The following JMJD1C variants were observed in gnomAD, a reference collection of about 807,000 sequenced individuals.
The protein encoded by JMJD1C is jumonji domain-containing protein 1C.
A neutral mutation model predicts 245.3 loss-of-function variants in JMJD1C; 31 were observed. The observed-to-expected ratio is 0.13, with a 90% CI of 0.09 to 0.17. The LOEUF is 0.17. JMJD1C is among the 10% of genes least tolerant of loss of function. JMJD1C has a pLI of 1.00. For missense variants in JMJD1C, 2,691 were observed against 3,000.2 expected, an observed-to-expected ratio of 0.90 and a Z score of 2.41; for synonymous variants, 1,057 against 1,017.4, an observed-to-expected ratio of 1.04 and a Z score of -0.74.
In JMJD1C at chr10:63,445,862, ATTTTT is replaced by A. The variant is rs56316223; in HGVS notation, c.168+19628_168+19632del. 4.6e-3 allele frequency among the ~76,000 whole-genome samples: 350 copies of A among 75,760 alleles called. 3 individuals are homozygous for A. The highest frequency in any genetic ancestry group is 0.016 in the African/African-American group (245 of 15,776). 49.7% of individuals were successfully genotyped at this position (75,760 alleles called of 152,430 possible). A position where few individuals can be genotyped will look rare whatever the true frequency, so the allele number is the denominator to read the frequency against. ...AAAAATGACATGTGCTGGGATCTGA[ATTTTT>A]TTTTTTTTTTTTTTTTTTTTTTTTC... On this transcript the variant is annotated intron_variant, in intron 1 of 25. Coordinates refer to ENST00000399262, the MANE Select transcript of JMJD1C (RefSeq NM_032776.3).
chr10:63,209,758 A>G (rs1314734924), intron 8 of JMJD1C, among the ~76,000 whole-genome samples: 1 of 152,186 alleles, frequency 6.6e-6, no homozygotes, highest in Non-Finnish European at 1.5e-5. Context: ...TTTCACTCTA[A>G]GCTATAAACA....
intron 1 of JMJD1C, among the ~76,000 whole-genome samples, chr10:63,473,981 T>C (rs1230147507): frequency 6.6e-6 from 1 of 151,694 alleles, no homozygotes; most frequent in Non-Finnish European, 1.5e-5. Context: ...AGGCGAACGT[T>C]GCAGTGAGCC....
intron 3 of JMJD1C, among the ~76,000 whole-genome samples, chr10:63,252,101 G>A (rs1266062777): frequency 2.0e-5 from 3 of 152,206 alleles, no homozygotes; most frequent in African/African-American, 7.2e-5. Flanking sequence ...AAAGGGGATG[G>A]GAAATGGCTC....
chr10:63,357,578 T>C (rs1244204343), intron 2 of JMJD1C, among the ~76,000 whole-genome samples: 1 of 152,062 alleles, frequency 6.6e-6, no homozygotes, highest in East Asian at 1.9e-4. Context: ...CGTGCTGGGA[T>C]TACAGGTATG....
intron 1 of JMJD1C, among the ~76,000 whole-genome samples, chr10:63,484,753 G>A (rs1222789893): frequency 6.6e-6 from 1 of 151,816 alleles, no homozygotes; most frequent in Non-Finnish European, 1.5e-5. Flanking sequence ...AATAAGTACT[G>A]TACATTTAAT....
chr10:63,394,434 T>G (rs1948319482), intron 1 of JMJD1C, among the ~76,000 whole-genome samples: 1 of 152,180 alleles, frequency 6.6e-6, no homozygotes, highest in South Asian at 2.1e-4. Context: ...AAAATTAGAC[T>G]GAAATAAATC....
At chr10:63,382,030 G>A (rs1194175842) in intron 1 of JMJD1C, among the ~76,000 whole-genome samples, 3 of 152,152 alleles carry the variant, frequency 2.0e-5, no homozygotes, top group Non-Finnish European at 4.4e-5. Flanking sequence ...TGGCCACAGA[G>A]TGAAACACCA....
intron 2 of JMJD1C, among the ~76,000 whole-genome samples, chr10:63,301,039 CAG>C (rs374078596): frequency 9.5e-4 from 145 of 152,256 alleles, no homozygotes; most frequent in African/African-American, 3.3e-3. Context: ...TTTTTTAAGA[CAG>C]AGTCTGCTCT....
chr10:63,248,652 T>C (rs1241517968), intron 3 of JMJD1C, among the ~76,000 whole-genome samples: 1 of 152,154 alleles, frequency 6.6e-6, no homozygotes, highest in Non-Finnish European at 1.5e-5. Flanking sequence ...TTAGTAGCGT[T>C]ATTGTGAAAA....
chr10:63,292,832 G>C (rs1589404477), intron 2 of JMJD1C, among the ~76,000 whole-genome samples: 1 of 152,130 alleles, frequency 6.6e-6, no homozygotes, highest in East Asian at 1.9e-4. Flanking sequence ...ATCGCCTGAG[G>C]TCAGGAGTTA....
chr10:63,271,818 C>T (rs751640125), intron 2 of JMJD1C, among the ~76,000 whole-genome samples: 23 of 152,048 alleles, frequency 1.5e-4, no homozygotes, highest in Non-Finnish European at 3.2e-4. Flanking sequence ...ATCAGGTTAG[C>T]TACTGAAAAG....
intron 1 of JMJD1C, among the ~76,000 whole-genome samples, chr10:63,408,871 A>G (rs1949327218): frequency 6.6e-6 from 1 of 152,184 alleles, no homozygotes; most frequent in African/African-American, 2.4e-5. Context: ...GTACAGATAT[A>G]AAGGCCTGAG....
intron 8 of JMJD1C, among the ~76,000 whole-genome samples, chr10:63,213,194 A>G (rs541348239): frequency 1.3e-4 from 20 of 151,158 alleles, no homozygotes; most frequent in Admixed American, 2.6e-4. Context: ...CAAAAAAAAA[A>G]AAAAAGAAAA....
chr10:63,200,200 A>G (rs968284676), intron 11 of JMJD1C, among the ~76,000 whole-genome samples: 1 of 152,242 alleles, frequency 6.6e-6, no homozygotes, highest in Non-Finnish European at 1.5e-5. Context: ...TAGGTTAACA[A>G]CTGTTAAGAA....
intron 1 of JMJD1C, among the ~76,000 whole-genome samples, chr10:63,509,239 C>A (rs982059649): frequency 2.6e-5 from 4 of 152,230 alleles, no homozygotes; most frequent in Non-Finnish European, 5.9e-5. Context: ...AACTGATTAT[C>A]CAATATTAAG....
intron 10 of JMJD1C, chr10:63,204,942 T>C (rs1211292232): frequency 4.1e-6 from 4 of 985,210 alleles, no homozygotes; most frequent in Non-Finnish European, 4.8e-6. Context: ...GTACTTTGAG[T>C]GTCCACATTG....
chr10:63,237,623 T>C (rs1435379372), intron 3 of JMJD1C, among the ~76,000 whole-genome samples: 1 of 152,186 alleles, frequency 6.6e-6, no homozygotes, highest in Non-Finnish European at 1.5e-5. Flanking sequence ...GAGGTCTTTG[T>C]AGAGCAATTA....
At position 63,281,182 on chromosome 10, in the gene JMJD1C, T is replaced by C. The variant is rs563001250; in HGVS notation, c.334-16418A>G. Among the ~76,000 whole-genome samples the C allele has an allele frequency of 1.7e-3, 245 of 145,346 alleles. 2 individuals are homozygous for C. The highest frequency in any genetic ancestry group is 6.1e-3 in the African/African-American group (238 of 38,862). On this transcript the variant is annotated intron_variant, in intron 2 of 25. Coordinates refer to ENST00000399262, the MANE Select transcript of JMJD1C (RefSeq NM_032776.3). The stretch of plus-strand genomic sequence containing the variant: ...GTCTCGCTCGCTCTGTCGCCCACGC[T>C]GAAGTGCAGTGGCACGATCTCGGCT...
rs546982797 is a variant in JMJD1C at position 63,396,812 on chromosome 10, T to G, written c.169-16330A>C. Among the ~76,000 whole-genome samples the G allele has an allele frequency of 1.6e-3, 250 of 151,660 alleles. 1 individual carries two copies. Among genetic ancestry groups the G allele is most frequent in the African/African-American group, 5.7e-3 (238 of 41,422 alleles). On this transcript the variant is annotated intron_variant, in intron 1 of 25. Coordinates refer to ENST00000399262, the MANE Select transcript of JMJD1C (RefSeq NM_032776.3). The stretch of plus-strand genomic sequence containing the variant: ...CCTTAGATTCAGCAAAAAAAAAAAG[T>G]ATAAAATTTAAAAAAGGAAAGTAAC...
Sources: allele counts gnomAD v4.1 joint callset (sites outside exome capture counted in the v4.1 genomes callset), GRCh38; gene constraint gnomAD v4.1.1; transcripts MANE v1.5; gene names NCBI Gene and HGNC (gene_info 2026-07-23, HGNC 2026-07-21).